GRIK4: variants seen among roughly 807,000 people sequenced by gnomAD.
The protein encoded by GRIK4 is glutamate receptor ionotropic, kainate 4.
A neutral mutation model predicts 104.9 loss-of-function variants in GRIK4; 40 were observed. The observed-to-expected ratio is 0.38, with a 90% CI of 0.30 to 0.50. The LOEUF is 0.50. Ranked by LOEUF, GRIK4 falls within the 20% of genes least tolerant of loss-of-function variation. GRIK4 has a pLI of 0.93. For synonymous variants in GRIK4, 485 were observed against 524.9 expected (o/e 0.92, Z 1.04); for missense variants, 1,047 against 1,308.1 (o/e 0.80, Z 3.08).
intron 1 of GRIK4, among the ~76,000 whole-genome samples, chr11:120,639,753 C>T: frequency 6.6e-6 from 1 of 152,214 alleles, no homozygotes. Context: ...CAATGGATGT[C>T]CCAGACTCCA....
chr11:120,709,137 G>T lies in GRIK4; in HGVS notation c.82+48737G>T, dbSNP rs1478548283. Among the ~76,000 whole-genome samples the T allele has an allele frequency of 2.0e-5, 3 of 151,996 alleles. No homozygotes were observed. The East Asian group carries it at 5.8e-4, about 29-fold the overall frequency. On this transcript the variant is annotated intron_variant, in intron 3 of 20. Coordinates refer to ENST00000527524, the MANE Select transcript of GRIK4 (RefSeq NM_014619.5). ...TCACCTATTTAAAATCTTACCTGGAGACTCTATTAAAAATGTAGACTTCAG... is the reference window on the plus strand; with the variant it reads ...TCACCTATTTAAAATCTTACCTGGATACTCTATTAAAAATGTAGACTTCAG...
At chr11:120,920,403 G>A (rs886346375) in intron 13 of GRIK4, among the ~76,000 whole-genome samples, 18 of 151,922 alleles carry the variant, frequency 1.2e-4, no homozygotes, top group African/African-American at 4.1e-4. Context: ...GCCCATCTAC[G>A]TGCATGTCTG....
At chr11:120,822,717 C>T (rs1449709329) in intron 6 of GRIK4, among the ~76,000 whole-genome samples, 4 of 152,256 alleles carry the variant, frequency 2.6e-5, no homozygotes, top group South Asian at 2.1e-4. Flanking sequence ...TTTGATGATA[C>T]GTGTTTTGTG....
chr11:120,850,774 T>G (rs201142796), intron 8 of GRIK4, among the ~76,000 whole-genome samples: 1 of 126,982 alleles, frequency 7.9e-6, no homozygotes, highest in East Asian at 2.6e-4. Context: ...AGACTGAAAA[T>G]AAAAGGCATT....
chr11:120,667,137 CA>C (rs754321709), intron 3 of GRIK4, among the ~76,000 whole-genome samples: 15 of 152,290 alleles, frequency 9.8e-5, no homozygotes, highest in Admixed American at 2.0e-4. Context: ...TTTGGTGATA[CA>C]ATCTTTTCAC....
intron 1 of GRIK4, among the ~76,000 whole-genome samples, chr11:120,531,295 G>A (rs1261236870): frequency 6.6e-6 from 1 of 152,246 alleles, no homozygotes; most frequent in East Asian, 1.9e-4. Context: ...CCTGGTTCAT[G>A]CATGTTTGTT....
intron 13 of GRIK4, among the ~76,000 whole-genome samples, chr11:120,926,329 T>TA (rs1490824534): frequency 6.6e-6 from 1 of 152,210 alleles, no homozygotes; most frequent in Non-Finnish European, 1.5e-5. Context: ...ACAATAATTT[T>TA]AAAAAATAAA....
intron 3 of GRIK4, among the ~76,000 whole-genome samples, chr11:120,682,816 C>T (rs1390068194): frequency 6.6e-6 from 1 of 151,910 alleles, no homozygotes; most frequent in African/African-American, 2.4e-5. Flanking sequence ...AGCCACCTCT[C>T]CATGGACCTT....
chr11:120,766,450 A>G (rs1166361386), intron 3 of GRIK4, among the ~76,000 whole-genome samples: 1 of 152,106 alleles, frequency 6.6e-6, no homozygotes, highest in Non-Finnish European at 1.5e-5. Context: ...CCCCCTTTTC[A>G]GGGGAGTGTA....
At position 120,897,357 on chromosome 11, in the gene GRIK4, G is replaced by A. The variant is rs909584165; in HGVS notation, c.1165-1175G>A. On this transcript the variant is annotated intron_variant, in intron 11 of 20. Coordinates refer to ENST00000527524, the MANE Select transcript of GRIK4 (RefSeq NM_014619.5). The stretch of plus-strand genomic sequence containing the variant: ...CTTGGTAAAAGAGTACATCTCGGCC[G>A]GGCGCGGTGGCTCATGCCTGTAATC... Among the ~76,000 whole-genome samples, 6 of 148,478 alleles carry A rather than the reference G, an allele frequency of 4.0e-5. No homozygotes were observed. The South Asian group carries it at 6.5e-4, about 16-fold the overall frequency.
intron 11 of GRIK4, 135 bp downstream of exon 11, chr11:120,875,378 A>AC: frequency 1.5e-6 from 1 of 660,372 alleles, no homozygotes. Context: ...AAGGCTCCTG[A>AC]CCTGCACCAG....
intron 13 of GRIK4, among the ~76,000 whole-genome samples, chr11:120,913,993 AG>A (rs1172858561): frequency 6.6e-6 from 1 of 152,234 alleles, no homozygotes; most frequent in African/African-American, 2.4e-5. Flanking sequence ...CAGGGGCCAA[AG>A]TGGAGTGTTC....
rs1272979932 is a variant in GRIK4, at chr11:120,513,280, T to A, written c.-159+1393T>A. The stretch of plus-strand genomic sequence containing the variant: ...TGGGTCACCTGGTTGGTAGTGACAC[T>A]TCTAGGAGCACCGGGAAACTGCGGG... On this transcript the variant is annotated intron_variant, in intron 1 of 20. Transcript: ENST00000527524. The surrounding 1 kb of genome is among the most constrained non-coding windows in gnomAD (Gnocchi z 4.5). Among the ~76,000 whole-genome samples, 1 of 152,122 alleles carries A rather than the reference T, an allele frequency of 6.6e-6. No individual in the cohort carries two copies. Among genetic ancestry groups the A allele is most frequent in the East Asian group, 1.9e-4 (1 of 5,170 alleles).
chr11:120,831,776 C>G, intron 6 of GRIK4, 76 bp from the exon 7 acceptor site: 9 of 1,151,852 alleles, frequency 7.8e-6, no homozygotes, highest in Non-Finnish European at 1.1e-5. Flanking sequence ...CATCTCCGTG[C>G]CTTCCTGCTT....
chr11:120,592,990 C>T (rs2001655), intron 1 of GRIK4, among the ~76,000 whole-genome samples: 25,289 of 152,068 alleles, frequency 0.17, 6,072 homozygotes, highest in African/African-American at 0.53. Flanking sequence ...CAAGACCAGC[C>T]TGCCCAACAT....
chr11:120,672,291 C>G (rs1950032012), intron 3 of GRIK4, among the ~76,000 whole-genome samples: 1 of 152,106 alleles, frequency 6.6e-6, no homozygotes, highest in Admixed American at 6.5e-5. Context: ...TGTCAGGCAC[C>G]TGCAATCCCA....
At chr11:120,611,493 C>T (rs985158673) in intron 1 of GRIK4, among the ~76,000 whole-genome samples, 5 of 152,070 alleles carry the variant, frequency 3.3e-5, no homozygotes, top group South Asian at 4.1e-4. Flanking sequence ...ACAAGGAAGG[C>T]GCTCAAAAAA....
chr11:120,652,611 T>TC (rs1857009737), intron 1 of GRIK4, among the ~76,000 whole-genome samples: 1 of 152,134 alleles, frequency 6.6e-6, no homozygotes, highest in African/African-American at 2.4e-5. Flanking sequence ...ATCCATTTTT[T>TC]TTTTTGAGGA....
At chr11:120,790,671 C>G (rs150537183) in intron 3 of GRIK4, among the ~76,000 whole-genome samples, 1 of 152,160 alleles carries the variant, frequency 6.6e-6, no homozygotes, top group East Asian at 1.9e-4. Flanking sequence ...GCAGGTGCAT[C>G]TGCAGTGGAG....
Sources: gnomAD v4.1 joint callset for allele counts (sites outside exome capture counted in the v4.1 genomes callset) on GRCh38, gnomAD v4.1.1 for gene constraint, Gnocchi (gnomAD v3.1) non-coding constraint, MANE v1.5 for transcripts, NCBI Gene and HGNC (gene_info 2026-07-23, HGNC 2026-07-21) for gene names.